The following EGF variants were observed in gnomAD, a reference collection of about 807,000 sequenced individuals.
The protein encoded by EGF is pro-epidermal growth factor.
EGF carries 95 observed loss-of-function variants against 143.8 expected under a neutral mutation model. The observed-to-expected ratio is 0.66, with a 90% confidence interval of 0.56 to 0.78. EGF has a LOEUF of 0.78. Among genes scored for constraint, EGF ranks in the 30% least tolerant of loss-of-function variants. The pLI, the probability that EGF is intolerant of heterozygous loss-of-function variation, is 0.00. For missense variants in EGF, 1,320 were observed against 1,470.9 expected, an observed-to-expected ratio of 0.90 and a Z score of 1.68; for synonymous variants, 510 against 510.5, an observed-to-expected ratio of 1.00 and a Z score of 0.01.
At chr4:109,961,425 T>C (rs568298619) in intron 7 of EGF, among the ~76,000 whole-genome samples, 3 of 152,150 alleles carry the variant, frequency 2.0e-5, no homozygotes, top group South Asian at 4.2e-4. Flanking sequence ...ACCTCTCAGG[T>C]TGGGAAACAA....
chr4:109,949,642 A>G (rs1343291854), intron 5 of EGF, among the ~76,000 whole-genome samples: 2 of 150,256 alleles, frequency 1.3e-5, no homozygotes, highest in Non-Finnish European at 1.5e-5. Flanking sequence ...TGAGCTCTAG[A>G]CAAATTTTTT....
chr4:109,919,343 T>A (rs1463067226), intron 1 of EGF, among the ~76,000 whole-genome samples: 1 of 100,850 alleles, frequency 9.9e-6, no homozygotes, highest in Non-Finnish European at 2.1e-5. Context: ...CTCTCTCTCA[T>A]CTCTCTCTCT....
chr4:109,986,360 A>G (rs371556139), intron 16 of EGF, among the ~76,000 whole-genome samples: 5 of 152,226 alleles, frequency 3.3e-5, no homozygotes, highest in African/African-American at 1.2e-4. Context: ...TCTTCCAAAT[A>G]AATGCTGAAT....
rs756093900 is a variant in EGF at position 110,008,195 on chromosome 4, A to C, written c.3335A>C (p.Gln1112Pro). 3.1e-6 allele frequency: 5 copies of C among 1,614,090 alleles called. No individual in the cohort carries two copies. In the Admixed American group the frequency reaches 5.0e-5, roughly 16 times the overall value. The change falls in exon 23 of 24, where the codon CAA becomes CCA. Residue 1112 changes from glutamine to proline, a missense_variant. Gln to Pro is a moderately conservative substitution (Grantham distance 76, BLOSUM62 -1). Transcript: ENST00000265171. ...CACCAAGACCTCAAGAATGGGGGTC[A>C]ACCAGTGGCTGGTGAGGATGGCCAG... ...KEHQDLKNGG[Q>P]PVAGEDGQAA...
chr4:109,952,772 G>A (rs1036687659), intron 5 of EGF, among the ~76,000 whole-genome samples: 30 of 152,160 alleles, frequency 2.0e-4, no homozygotes, highest in African/African-American at 7.0e-4. Context: ...GCATAGGATT[G>A]GTTTGGGGCA....
At chr4:109,991,861 A>C (rs1329447771) in intron 18 of EGF, among the ~76,000 whole-genome samples, 1 of 152,020 alleles carries the variant, frequency 6.6e-6, no homozygotes, top group Non-Finnish European at 1.5e-5. Flanking sequence ...AGCTTAGAAC[A>C]CCTGCATGGG....
chr4:109,938,561 G>C (rs1420515537), intron 1 of EGF, among the ~76,000 whole-genome samples: 1 of 152,150 alleles, frequency 6.6e-6, no homozygotes, highest in African/African-American at 2.4e-5. Flanking sequence ...TCCCTTGCTG[G>C]CAAGGAATTG....
At chr4:109,992,793 T>C (rs1215219180) in intron 18 of EGF, among the ~76,000 whole-genome samples, 6 of 152,022 alleles carry the variant, frequency 3.9e-5, no homozygotes, top group Admixed American at 3.3e-4. Flanking sequence ...TCATGTCCTT[T>C]GTAGGGACAT....
chr4:109,936,154 C>T (rs1461505880), intron 1 of EGF, among the ~76,000 whole-genome samples: 5 of 152,084 alleles, frequency 3.3e-5, no homozygotes, highest in South Asian at 4.2e-4. Flanking sequence ...TGGTAGAATT[C>T]GACTGTGAAT....
intron 11 of EGF, among the ~76,000 whole-genome samples, chr4:109,970,651 C>G (rs571102649): frequency 1.5e-4 from 23 of 151,784 alleles, no homozygotes; most frequent in African/African-American, 4.6e-4. Flanking sequence ...ATGGTGAAAC[C>G]CCGTCTCTAC....
chr4:109,993,702 G>A (rs765779522), intron 19 of EGF, among the ~76,000 whole-genome samples: 3 of 152,026 alleles, frequency 2.0e-5, no homozygotes, highest in Admixed American at 6.6e-5. Flanking sequence ...TAGGCAGGTC[G>A]GTGAGAATGT....
chr4:109,989,452 T>C (rs1750633227), intron 18 of EGF, among the ~76,000 whole-genome samples: 1 of 150,158 alleles, frequency 6.7e-6, no homozygotes, highest in South Asian at 2.1e-4. Context: ...CTTTCCCTCC[T>C]TCTGAAAACC....
At position 110,011,317 on chromosome 4, in the gene EGF, G is replaced by C. The variant is rs1282478179; in HGVS notation, c.3486G>C (p.Glu1162Asp). The change falls in exon 24 of 24, where the codon GAG (glutamate) becomes GAC (aspartate). Residue 1162 changes from glutamate to aspartate, a missense_variant. By Grantham distance (45) the Glu-to-Asp change is conservative (BLOSUM62 2). Transcript: ENST00000265171. ...SDKGSCPQVM[E>D]RSFHMPSYGT... ...AGGGCTCCTGTCCCCAGGTAATGGA[G>C]CGAAGCTTTCATATGCCCTCCTATG... is the stretch of plus-strand genomic sequence containing the variant. 6.2e-7 allele frequency: 1 copy of C among 1,614,156 alleles called. No individual in the cohort carries two copies. Among genetic ancestry groups the C allele is most frequent in the East Asian group, 2.2e-5 (1 of 44,872 alleles).
At chr4:109,933,644 C>T (rs1202707157) in intron 1 of EGF, among the ~76,000 whole-genome samples, 2 of 152,042 alleles carry the variant, frequency 1.3e-5, no homozygotes, top group Non-Finnish European at 2.9e-5. Context: ...CATTGTTCAA[C>T]ACCCACTTAT....
chr4:109,998,149 G>A (rs1752073295), intron 20 of EGF, among the ~76,000 whole-genome samples: 1 of 152,170 alleles, frequency 6.6e-6, no homozygotes, highest in Non-Finnish European at 1.5e-5. Context: ...TATTCCTCAA[G>A]ACCCCAGACT....
intron 16 of EGF, among the ~76,000 whole-genome samples, chr4:109,985,799 C>T (rs1750037630): frequency 6.6e-6 from 1 of 152,134 alleles, no homozygotes. Flanking sequence ...TGTATTTTTG[C>T]CTCTCAGGAA....
chr4:109,923,686 T>C (rs1440364018), intron 1 of EGF, among the ~76,000 whole-genome samples: 1 of 151,598 alleles, frequency 6.6e-6, no homozygotes, highest in East Asian at 1.9e-4. Context: ...AATGGCACAA[T>C]CAAAGCACAC....
chr4:109,920,464 T>C (rs954537992), intron 1 of EGF, among the ~76,000 whole-genome samples: 2 of 151,566 alleles, frequency 1.3e-5, no homozygotes, highest in African/African-American at 4.9e-5. Context: ...GGGAGAGCAC[T>C]TGATGGGGCG....
chr4:109,992,508 C>G (rs977625512), intron 18 of EGF: 1 of 152,174 alleles, frequency 6.6e-6, no homozygotes, highest in Non-Finnish European at 1.5e-5. Context: ...GGACTGTAAA[C>G]TAGTTCAACC....
Sources: gnomAD v4.1 joint callset for allele counts (sites outside exome capture counted in the v4.1 genomes callset) on GRCh38, gnomAD v4.1.1 for gene constraint, MANE v1.5 for transcripts, NCBI Gene and HGNC (gene_info 2026-07-23, HGNC 2026-07-21) for gene names.